The following PDZD2 variants were observed in gnomAD, a reference collection of about 807,000 sequenced individuals.
PDZD2 encodes PDZ domain containing 2.
PDZD2 carries 90 observed loss-of-function variants against 220.7 expected under a neutral mutation model. The observed-to-expected ratio is 0.41, with a 90% CI of 0.34 to 0.49. PDZD2 has a LOEUF of 0.49. Ranked by LOEUF, PDZD2 falls within the 20% of genes least tolerant of loss-of-function variation. The pLI is 0.28. For missense variants in PDZD2, 3,174 were observed against 3,608.5 expected, an observed-to-expected ratio of 0.88 and a Z score of 3.08; for synonymous variants, 1,375 against 1,450.5, an observed-to-expected ratio of 0.95 and a Z score of 1.18.
chr5:32,041,741 G>C (rs1020900486), intron 7 of PDZD2, among the ~76,000 whole-genome samples: 3 of 151,742 alleles, frequency 2.0e-5, no homozygotes, highest in African/African-American at 4.9e-5. Context: ...GAAAACCAGA[G>C]ACCTTTGTTC....
At chr5:31,720,167 T>C (rs891999882) in intron 1 of PDZD2, among the ~76,000 whole-genome samples, 4 of 152,210 alleles carry the variant, frequency 2.6e-5, no homozygotes, top group African/African-American at 9.6e-5. Context: ...TCCACCTCTC[T>C]CTCTTCTAAT....
At chr5:32,092,226 A>G (rs1274030144) in intron 20 of PDZD2, among the ~76,000 whole-genome samples, 1 of 150,070 alleles carries the variant, frequency 6.7e-6, no homozygotes, top group Non-Finnish European at 1.5e-5. Context: ...GTGAGCTGAG[A>G]TCGCGTCACT....
intron 2 of PDZD2, among the ~76,000 whole-genome samples, chr5:31,810,094 G>A (rs1466665499): frequency 1.3e-5 from 2 of 152,132 alleles, no homozygotes; most frequent in South Asian, 2.1e-4. Context: ...TAGTGTTACT[G>A]GTCCAACTTC....
chr5:32,028,218 C>T (rs2330882), intron 6 of PDZD2, among the ~76,000 whole-genome samples: 21,083 of 152,100 alleles, frequency 0.14, 1,575 homozygotes, highest in Admixed American at 0.18. Context: ...AGAAAGACAG[C>T]GGATACTCAG....
rs542664882 is a variant in PDZD2 at position 32,087,327 on chromosome 5, G to A, written c.3879G>A (p.Gly1293=). The change falls in exon 20 of 25, where the codon GGG becomes GGA. Residue 1293 remains glycine (G), a synonymous_variant. Transcript: ENST00000438447. The surrounding 1 kb of genome is among the most constrained non-coding windows in gnomAD (Gnocchi z 4.0). ...CCCATGAGGGCAGCCCCTCCCCGGG[G>A]GAGAAAGCAGCGGCTCCCCCTGACT... is the stretch of plus-strand genomic sequence containing the variant. ...RLPHEGSPSP[G]EKAAAPPDYS... The A allele has an allele frequency of 6.1e-5, 99 of 1,614,152 alleles. No individual in the cohort carries two copies. The South Asian group carries it at 1.0e-3, about 16-fold the overall frequency.
chr5:31,926,765 C>G (rs929792467), intron 2 of PDZD2, among the ~76,000 whole-genome samples: 1 of 152,128 alleles, frequency 6.6e-6, no homozygotes, highest in East Asian at 1.9e-4. Flanking sequence ...GACACATGCA[C>G]TTGTATGTTC....
intron 1 of PDZD2, among the ~76,000 whole-genome samples, chr5:31,694,197 G>C (rs1221684057): frequency 1.3e-5 from 2 of 152,094 alleles, no homozygotes; most frequent in Non-Finnish European, 2.9e-5. Context: ...TCCAAGACCA[G>C]CCTGGCCAAC....
chr5:31,672,254 T>G (rs1746244151), intron 1 of PDZD2, among the ~76,000 whole-genome samples: 1 of 152,150 alleles, frequency 6.6e-6, no homozygotes, highest in South Asian at 2.1e-4. Flanking sequence ...TTCCAATCGG[T>G]AAGTCTGGGG....
intron 2 of PDZD2, among the ~76,000 whole-genome samples, chr5:31,957,747 C>T (rs553621136): frequency 8.5e-5 from 13 of 152,198 alleles, no homozygotes; most frequent in Admixed American, 7.9e-4. Flanking sequence ...AATTAATGAG[C>T]ATAACAGTGA....
At chr5:31,719,666 A>G (rs964724955) in intron 1 of PDZD2, among the ~76,000 whole-genome samples, 6 of 152,250 alleles carry the variant, frequency 3.9e-5, no homozygotes, top group Admixed American at 3.9e-4. Flanking sequence ...TTTAGGGAAC[A>G]AATAGTACTT....
At chr5:31,998,245 A>G (rs2111981532) in intron 4 of PDZD2, among the ~76,000 whole-genome samples, 1 of 152,268 alleles carries the variant, frequency 6.6e-6, no homozygotes, top group Middle Eastern at 3.4e-3. Context: ...CTGAGATTCC[A>G]GCTTGTTTCT....
chr5:32,003,118 ACGCG>A (rs1561315560), intron 5 of PDZD2, among the ~76,000 whole-genome samples: 3 of 28,282 alleles, frequency 1.1e-4, no homozygotes, highest in Non-Finnish European at 6.1e-4. Context: ...CAAACACACC[ACGCG>A]CCACACACAC....
intron 14 of PDZD2, among the ~76,000 whole-genome samples, chr5:32,067,748 G>A: frequency 6.6e-6 from 1 of 151,784 alleles, no homozygotes; most frequent in East Asian, 1.9e-4. Flanking sequence ...GTATATATCA[G>A]GCTTTTTAAA....
chr5:31,895,994 T>G (rs1410033413), intron 2 of PDZD2, among the ~76,000 whole-genome samples: 1 of 152,172 alleles, frequency 6.6e-6, no homozygotes, highest in Admixed American at 6.6e-5. Context: ...CAATAGCGAT[T>G]TGTTCCACTT....
At chr5:31,691,217 A>T (rs1277002121) in intron 1 of PDZD2, among the ~76,000 whole-genome samples, 1 of 148,506 alleles carries the variant, frequency 6.7e-6, no homozygotes, top group Non-Finnish European at 1.5e-5. Context: ...CTTCGCGGTG[A>T]GTGTTACAGC....
chr5:32,080,640 G>A (rs1339119509), intron 19 of PDZD2, among the ~76,000 whole-genome samples: 2 of 152,080 alleles, frequency 1.3e-5, no homozygotes, highest in Non-Finnish European at 2.9e-5. Flanking sequence ...TTGCCACTGA[G>A]GAATTTCTTA....
At position 31,639,726 on chromosome 5, in the gene PDZD2, G is replaced by A. The variant is rs1233887547; in HGVS notation, c.-361+289G>A. ...CGGGACAACCGGAGACGCACTGCCGGGGGTACTCAAGACAGGGCCGGGACC... is the reference window on the plus strand; with the variant it reads ...CGGGACAACCGGAGACGCACTGCCGAGGGTACTCAAGACAGGGCCGGGACC... On this transcript the variant is annotated intron_variant, in intron 1 of 24. Coordinates refer to ENST00000438447, the MANE Select transcript of PDZD2 (RefSeq NM_178140.4). The surrounding 1 kb of genome is among the most constrained non-coding windows in gnomAD (Gnocchi z 4.1). Among the ~76,000 whole-genome samples, 1 of 152,194 alleles carries A rather than the reference G, an allele frequency of 6.6e-6. No homozygotes were observed. Among genetic ancestry groups the A allele is most frequent in the Non-Finnish European group, 1.5e-5 (1 of 68,018 alleles).
intron 1 of PDZD2, among the ~76,000 whole-genome samples, chr5:31,794,864 G>A (rs907937483): frequency 1.3e-5 from 2 of 152,208 alleles, no homozygotes; most frequent in Non-Finnish European, 2.9e-5. Context: ...TTGGAATTTA[G>A]CAGAGGTCAG....
chr5:32,048,626 C>T lies in PDZD2; in HGVS notation c.1607C>T (p.Ser536Phe), dbSNP rs1738213682. 1 of 1,613,996 alleles carries T rather than the reference C, an allele frequency of 6.2e-7. No individual in the cohort carries two copies. The highest frequency in any genetic ancestry group is 1.7e-5 in the Admixed American group (1 of 60,002). The change falls in exon 8 of 25, where the codon TCC becomes TTC. Residue 536 changes from serine to phenylalanine, a missense_variant. Transcript: ENST00000438447. ...GDPRIRMLEVSRDGRKHSLPQ... is the reference protein window; with the variant it reads ...GDPRIRMLEVFRDGRKHSLPQ... ...CCCCGGATCCGGATGTTGGAGGTCT[C>T]CCGAGATGGCCGGAAACACTCCCTC...
Sources: gnomAD v4.1 joint callset for allele counts (sites outside exome capture counted in the v4.1 genomes callset) on GRCh38, gnomAD v4.1.1 for gene constraint, Gnocchi (gnomAD v3.1) non-coding constraint, MANE v1.5 for transcripts, NCBI Gene and HGNC (gene_info 2026-07-23, HGNC 2026-07-21) for gene names.